Variants in TFDP1 observed in about 807,000 individuals in gnomAD.
TFDP1 encodes DRTF1-polypeptide 1.
Under a neutral mutation model 48.0 loss-of-function variants are expected in TFDP1, and 6 were observed. The ratio of observed to expected loss-of-function variants is 0.13; its 90% confidence interval spans 0.07 to 0.25. The LOEUF is 0.25. TFDP1 is among the 10% of genes least tolerant of loss of function. The pLI is 1.00. For synonymous variants in TFDP1, 201 were observed against 211.6 expected (o/e 0.95, Z 0.44); for missense variants, 335 against 543.0 (o/e 0.62, Z 3.81).
chr13:113,621,013 T>A (rs2048982102), intron 3 of TFDP1, among the ~76,000 whole-genome samples: 1 of 152,252 alleles, frequency 6.6e-6, no homozygotes, highest in Non-Finnish European at 1.5e-5. Context: ...GTTTAATATA[T>A]TTTAAAGAAA....
At chr13:113,597,145 A>G (rs2048307543) in intron 2 of TFDP1, among the ~76,000 whole-genome samples, 1 of 152,110 alleles carries the variant, frequency 6.6e-6, no homozygotes, top group Non-Finnish European at 1.5e-5. Context: ...CCGGTGGCTC[A>G]CTCTGTCCTT....
chr13:113,622,919 C>T (rs1480269465), intron 3 of TFDP1, among the ~76,000 whole-genome samples: 2 of 152,262 alleles, frequency 1.3e-5, no homozygotes, highest in South Asian at 2.1e-4. Context: ...TAGCAGACAT[C>T]GCCGAGGGGC....
rs760650590 is a variant in TFDP1 at position 113,636,011 on chromosome 13, G to T, written c.722G>T (p.Arg241Leu). The T allele has an allele frequency of 6.2e-7, 1 of 1,614,040 alleles. No homozygotes were observed. The highest frequency in any genetic ancestry group is 1.7e-5 in the Admixed American group (1 of 59,992). The part of the protein sequence containing the change: ...IAFKNLVQRN[R>L]HAEQQASRPP... ...TTCAAGAACCTGGTGCAGAGAAACC[G>T]GCATGCGGAGCAGCAGGCCAGCCGG... The change falls in exon 9 of 12, where the codon CGG becomes CTG. Residue 241 changes from arginine to leucine, a missense_variant. Around this residue, in one of 3 missense-constraint regions of TFDP1, gnomAD observed 204 missense variants for 287.1 expected, o/e 0.71. Transcript: ENST00000375370.
chr13:113,630,163 A>G lies in TFDP1; in HGVS notation c.187-1460A>G, dbSNP rs1158333204. On this transcript the variant is annotated intron_variant, in intron 4 of 11. Transcript: ENST00000375370. ...GGCCCAGTGCCCCAGCAGCACACAC[A>G]CACACACACACACACACACGCGTAT... 6.0e-3 allele frequency among the ~76,000 whole-genome samples: 910 copies of G among 151,748 alleles called. 8 individuals carry two copies. Among genetic ancestry groups the G allele is most frequent in the African/African-American group, 0.021 (867 of 41,324 alleles).
intron 2 of TFDP1, among the ~76,000 whole-genome samples, chr13:113,596,202 T>C (rs1826848546): frequency 6.6e-6 from 1 of 152,232 alleles, no homozygotes; most frequent in African/African-American, 2.4e-5. Context: ...TCACCACTAT[T>C]GATAGAACCC....
rs2049613064 is a variant in TFDP1 at position 113,640,336 on chromosome 13, G to T, written c.*69G>T. ...AAAAGAAACTTTTTTTTTAATGTGG[G>T]TTTTCTGTTTCCTTTTGGCCTACTC... is the stretch of plus-strand genomic sequence containing the variant. On this transcript the variant is annotated 3_prime_UTR_variant, in exon 12 of 12. Coordinates refer to ENST00000375370, the MANE Select transcript of TFDP1 (RefSeq NM_007111.5). 6.5e-7 allele frequency: 1 copy of T among 1,534,242 alleles called. No homozygotes were observed. Among genetic ancestry groups the T allele is most frequent in the African/African-American group, 1.4e-5 (1 of 72,058 alleles).
intron 3 of TFDP1, among the ~76,000 whole-genome samples, chr13:113,617,537 TGCAGAGCCGC>T: frequency 6.6e-6 from 1 of 151,396 alleles, no homozygotes. Context: ...ACCATTCACC[TGCAGAGCCGC>T]TCACCTGCAG....
At position 113,629,726 on chromosome 13, in the gene TFDP1, G is replaced by A. The variant is rs535500071; in HGVS notation, c.187-1897G>A. The stretch of plus-strand genomic sequence containing the variant: ...CTTAGGGTATTTTCAGCTCATGCGG[G>A]TTTATCGGGATGTTCCTTGTAAGTT... On this transcript the variant is annotated intron_variant, in intron 4 of 11. Coordinates refer to ENST00000375370, the MANE Select transcript of TFDP1 (RefSeq NM_007111.5). 4.6e-5 allele frequency among the ~76,000 whole-genome samples: 7 copies of A among 152,284 alleles called. No individual in the cohort carries two copies. In the South Asian group the frequency reaches 1.5e-3, roughly 32 times the overall value.
chr13:113,591,227 A>G (rs1250963981), intron 2 of TFDP1, among the ~76,000 whole-genome samples: 1 of 149,184 alleles, frequency 6.7e-6, no homozygotes, highest in Non-Finnish European at 1.5e-5. Context: ...CTGTAATCCC[A>G]GCTACTCTCG....
At position 113,633,763 on chromosome 13, in the gene TFDP1, T is replaced by A; in HGVS notation, c.475-127T>A. 8.6e-7 allele frequency: 1 copy of A among 1,160,682 alleles called. No homozygotes were observed. The highest frequency in any genetic ancestry group is 2.4e-5 in the East Asian group (1 of 42,280). 71.9% of individuals were successfully genotyped at this position (1,160,682 alleles called of 1,614,324 possible). A position where few individuals can be genotyped will look rare whatever the true frequency, so the allele number is the denominator to read the frequency against. ...TCATCTGTGGGGTGGGAGCGCTCCC[T>A]GAGGGCATGTTGGGGTGGCGGCTCC... is the stretch of plus-strand genomic sequence containing the variant. On this transcript the variant is annotated intron_variant, in intron 6 of 11. Coordinates refer to ENST00000375370, the MANE Select transcript of TFDP1 (RefSeq NM_007111.5). This position sits in a 1 kb window ranked among gnomAD's most constrained non-coding sequence, Gnocchi z 4.5.
chr13:113,596,496 G>T (rs530517827), intron 2 of TFDP1, among the ~76,000 whole-genome samples: 1 of 152,272 alleles, frequency 6.6e-6, no homozygotes, highest in Admixed American at 6.5e-5. Flanking sequence ...CTTGCTTCAG[G>T]AGACCCTGGG....
At chr13:113,599,806 C>A (rs1457462408) in intron 2 of TFDP1, among the ~76,000 whole-genome samples, 1 of 151,908 alleles carries the variant, frequency 6.6e-6, no homozygotes, top group Non-Finnish European at 1.5e-5. Flanking sequence ...GAGAGAGAAC[C>A]CAGGACCGTG....
At chr13:113,614,006 GAGTTGTGTC>G (rs1412171365) in intron 3 of TFDP1, among the ~76,000 whole-genome samples, 1 of 148,152 alleles carries the variant, frequency 6.7e-6, no homozygotes, top group Non-Finnish European at 1.5e-5. Flanking sequence ...GAGTTCACGT[GAGTTGTGTC>G]AGTTGTGTGC....
intron 8 of TFDP1, among the ~76,000 whole-genome samples, chr13:113,635,152 C>T (rs1273697234): frequency 6.6e-6 from 1 of 152,188 alleles, no homozygotes; most frequent in Non-Finnish European, 1.5e-5. Flanking sequence ...TCCCCACCTC[C>T]CATTGAGTGC....
chr13:113,617,634 GCAGAGCCGC>G (rs2048894966), intron 3 of TFDP1, among the ~76,000 whole-genome samples: 1 of 149,800 alleles, frequency 6.7e-6, no homozygotes, highest in Non-Finnish European at 1.5e-5. Flanking sequence ...CCGCTCACCT[GCAGAGCCGC>G]TCACCTGCAG....
intron 1 of TFDP1, chr13:113,585,513 G>A: frequency 4.2e-6 from 1 of 235,484 alleles, no homozygotes; most frequent in Non-Finnish European, 8.3e-6. Context: ...TCGGCCGCTG[G>A]GCGGGCCGTC....
At chr13:113,634,860 CGTGCGTGTGCCTGT>C (rs983110486) in intron 8 of TFDP1, among the ~76,000 whole-genome samples, 16 of 148,908 alleles carry the variant, frequency 1.1e-4, no homozygotes, top group Middle Eastern at 3.5e-3. Flanking sequence ...TGTGTGCGTG[CGTGCGTGTGCCTGT>C]GTGCGTGTGC....
chr13:113,605,148 G>A (rs574588983), intron 2 of TFDP1, among the ~76,000 whole-genome samples: 3 of 151,684 alleles, frequency 2.0e-5, no homozygotes, highest in East Asian at 1.9e-4. Flanking sequence ...CAGTTGGGGC[G>A]GGGGGGCGTC....
At chr13:113,631,809 C>G (rs944238446) in intron 5 of TFDP1, 65 bp downstream of exon 5, 4 of 1,593,146 alleles carry the variant, frequency 2.5e-6, no homozygotes, top group Non-Finnish European at 3.4e-6. Flanking sequence ...TCCACGTTCT[C>G]CTGGGCCACG....
Sources: allele counts gnomAD v4.1 joint callset (sites outside exome capture counted in the v4.1 genomes callset), GRCh38; gene constraint gnomAD v4.1.1; regional missense constraint gnomAD v4.1.1; non-coding constraint Gnocchi (gnomAD v3.1); transcripts MANE v1.5; gene names NCBI Gene and HGNC (gene_info 2026-07-23, HGNC 2026-07-21).